Variants in NEDD4L observed in about 807,000 individuals in gnomAD.
NEDD4L encodes NEDD4 like E3 ubiquitin protein ligase, also known as E3 ubiquitin-protein ligase NEDD4-like.
NEDD4L carries 54 observed loss-of-function variants against 148.9 expected under a neutral mutation model. The observed-to-expected ratio is 0.36, with a 90% confidence interval of 0.29 to 0.45. The LOEUF is 0.45. NEDD4L is among the 20% of genes least tolerant of loss of function. The pLI, the probability that NEDD4L is intolerant of heterozygous loss-of-function variation, is 1.00. For synonymous variants in NEDD4L, 433 were observed against 440.7 expected, an observed-to-expected ratio of 0.98 and a Z score of 0.22; for missense variants, 856 against 1,233.8, an observed-to-expected ratio of 0.69 and a Z score of 4.59.
chr18:58,287,016 T>C (rs2054006372), intron 5 of NEDD4L, among the ~76,000 whole-genome samples: 1 of 152,086 alleles, frequency 6.6e-6, no homozygotes, highest in African/African-American at 2.4e-5. Flanking sequence ...GTAACATTTA[T>C]ACAAAAGGAA....
At chr18:58,280,160 G>C (rs147546873) in intron 5 of NEDD4L, among the ~76,000 whole-genome samples, 4 of 152,110 alleles carry the variant, frequency 2.6e-5, no homozygotes, top group African/African-American at 9.6e-5. Flanking sequence ...CTTCTGCCTC[G>C]GCCTCCTGAG....
intron 1 of NEDD4L, among the ~76,000 whole-genome samples, chr18:58,090,542 G>A (rs927823057): frequency 5.9e-5 from 9 of 152,136 alleles, no homozygotes; most frequent in Admixed American, 2.6e-4. Context: ...GCAGCGGTGC[G>A]ATCTTGGCTC....
intron 1 of NEDD4L, among the ~76,000 whole-genome samples, chr18:58,162,317 G>T (rs1388168655): frequency 6.6e-6 from 1 of 152,042 alleles, no homozygotes; most frequent in African/African-American, 2.4e-5. Context: ...GTCCCACGGT[G>T]CCCTGCATGG....
chr18:58,317,734 C>T (rs967804578), intron 6 of NEDD4L, among the ~76,000 whole-genome samples: 2 of 152,210 alleles, frequency 1.3e-5, no homozygotes, highest in African/African-American at 4.8e-5. Context: ...AAGAAGGAAG[C>T]GGTGCAGAGG....
intron 1 of NEDD4L, among the ~76,000 whole-genome samples, chr18:58,118,876 A>G (rs1218071262): frequency 6.6e-6 from 1 of 152,058 alleles, no homozygotes; most frequent in Non-Finnish European, 1.5e-5. Flanking sequence ...CGCTGATTCC[A>G]GATCCTCTTC....
intron 1 of NEDD4L, among the ~76,000 whole-genome samples, chr18:58,055,598 C>G (rs2082052502): frequency 6.6e-6 from 1 of 152,118 alleles, no homozygotes; most frequent in Admixed American, 6.5e-5. Flanking sequence ...TGTTTTGTGT[C>G]TAAGGATTAC....
chr18:58,091,293 G>A (rs1193964375), intron 1 of NEDD4L: 1 of 152,258 alleles, frequency 6.6e-6, no homozygotes, highest in East Asian at 1.9e-4. Context: ...AGGTTCCAGA[G>A]CCCTTTAGTG....
intron 30 of NEDD4L, among the ~76,000 whole-genome samples, chr18:58,392,505 CT>C (rs1313550451): frequency 2.0e-5 from 3 of 152,064 alleles, no homozygotes; most frequent in Non-Finnish European, 2.9e-5. Flanking sequence ...TTTTTCACTT[CT>C]GTCGGATTCC....
intron 2 of NEDD4L, among the ~76,000 whole-genome samples, chr18:58,174,086 A>G (rs916061403): frequency 2.0e-5 from 3 of 151,802 alleles, no homozygotes; most frequent in Non-Finnish European, 4.4e-5. Flanking sequence ...GAGTTCTTGC[A>G]TGGCACCCAA....
chr18:58,217,846 T>G (rs1412176034), intron 2 of NEDD4L, among the ~76,000 whole-genome samples: 1 of 152,244 alleles, frequency 6.6e-6, no homozygotes, highest in Non-Finnish European at 1.5e-5. Context: ...GGAATCATAC[T>G]ATGATATTTT....
At chr18:58,149,294 A>C in intron 1 of NEDD4L, 2 of 1,021,482 alleles carry the variant, frequency 2.0e-6, no homozygotes, top group Non-Finnish European at 2.6e-6. Flanking sequence ...GCAGGTTCAT[A>C]AGACACCTGT....
intron 5 of NEDD4L, among the ~76,000 whole-genome samples, chr18:58,282,235 G>GCATTTTCTAA (rs1389556618): frequency 2.0e-5 from 3 of 151,634 alleles, no homozygotes; most frequent in African/African-American, 7.3e-5. Context: ...GTAACCAGTA[G>GCATTTTCTAA]CATTTTCTAA....
chr18:58,186,180 C>T (rs1177312801), intron 2 of NEDD4L, among the ~76,000 whole-genome samples: 3 of 152,212 alleles, frequency 2.0e-5, no homozygotes, highest in Non-Finnish European at 4.4e-5. Flanking sequence ...AACAGAAAAG[C>T]GTCCATTAAA....
intron 2 of NEDD4L, among the ~76,000 whole-genome samples, chr18:58,192,733 A>T (rs1907806594): frequency 6.6e-6 from 1 of 152,148 alleles, no homozygotes; most frequent in Admixed American, 6.5e-5. Flanking sequence ...CCATCTATTT[A>T]TGTCGAAAGG....
At chr18:58,309,777 G>A (rs1353977143) in intron 5 of NEDD4L, among the ~76,000 whole-genome samples, 1 of 152,000 alleles carries the variant, frequency 6.6e-6, no homozygotes, top group Non-Finnish European at 1.5e-5. Context: ...GTGGGGCAGA[G>A]AACTGAGTGT....
chr18:58,132,687 G>A (rs180782740), intron 1 of NEDD4L, among the ~76,000 whole-genome samples: 3 of 152,310 alleles, frequency 2.0e-5, no homozygotes, highest in African/African-American at 7.2e-5. Flanking sequence ...GCCAACCCTC[G>A]TTGTCTTACT....
At chr18:58,347,662 G>A (rs1487627570) in intron 16 of NEDD4L, among the ~76,000 whole-genome samples, 1 of 152,032 alleles carries the variant, frequency 6.6e-6, no homozygotes, top group Non-Finnish European at 1.5e-5. Flanking sequence ...AAAATATATT[G>A]GGTTCAGGGT....
chr18:58,263,566 T>C (rs2049764271), intron 5 of NEDD4L, among the ~76,000 whole-genome samples: 1 of 152,128 alleles, frequency 6.6e-6, no homozygotes, highest in Admixed American at 6.6e-5. Context: ...CGAGAGCTGG[T>C]AGACTTTTAA....
intron 5 of NEDD4L, among the ~76,000 whole-genome samples, chr18:58,285,381 T>C (rs894776798): frequency 4.6e-5 from 7 of 151,828 alleles, no homozygotes; most frequent in Non-Finnish European, 8.8e-5. Context: ...CAGGCTGGAG[T>C]GCAGTGGTGT....
Sources: allele counts gnomAD v4.1 joint callset (sites outside exome capture counted in the v4.1 genomes callset), GRCh38; gene constraint gnomAD v4.1.1; transcripts MANE v1.5; gene names NCBI Gene and HGNC (gene_info 2026-07-23, HGNC 2026-07-21).